Variants in WNK2 observed in about 807,000 individuals in gnomAD.
The protein encoded by WNK2 is WNK lysine deficient protein kinase 2.
Under a neutral mutation model 192.1 loss-of-function variants are expected in WNK2, and 67 were observed. The observed-to-expected ratio is 0.35, with a 90% CI of 0.29 to 0.43. WNK2 has a LOEUF of 0.43. WNK2 is among the 20% of genes least tolerant of loss of function. WNK2 has a pLI of 1.00. For missense variants in WNK2, 2,698 were observed against 3,089.7 expected (o/e 0.87, Z 3.01); for synonymous variants, 1,439 against 1,393.9 (o/e 1.03, Z -0.72).
chr9:93,188,235 C>T (rs960822523), intron 2 of WNK2, among the ~76,000 whole-genome samples: 1 of 152,192 alleles, frequency 6.6e-6, no homozygotes, highest in Non-Finnish European at 1.5e-5. Context: ...CTGCCCTCCA[C>T]AGGCTGGGGG....
Position 93,229,924 on chromosome 9 carries a change from A to G in WNK2, c.854+56A>G, listed in dbSNP as rs1838450685. ...GTCCTGGCATGGGTGCAGGGCTACC[A>G]TAGCTGAGGGTGAGGTCTTGGGCTG... On this transcript the variant is annotated intron_variant, in intron 3 of 29. Transcript: ENST00000427277. This position sits in a 1 kb window ranked among gnomAD's most constrained non-coding sequence, Gnocchi z 4.9. 1.3e-6 allele frequency: 2 copies of G among 1,580,828 alleles called. No individual in the cohort carries two copies. The highest frequency in any genetic ancestry group is 1.7e-5 in the Admixed American group (1 of 57,640).
chr9:93,195,206 TTTAG>T (rs1232957325), intron 2 of WNK2, among the ~76,000 whole-genome samples: 2 of 152,144 alleles, frequency 1.3e-5, no homozygotes, highest in Non-Finnish European at 2.9e-5. Flanking sequence ...AATGTTGGAT[TTTAG>T]TTAATCATCA....
intron 26 of WNK2, among the ~76,000 whole-genome samples, chr9:93,306,340 G>A (rs1036730012): frequency 1.3e-5 from 2 of 152,222 alleles, no homozygotes; most frequent in African/African-American, 4.8e-5. Context: ...GGCTTCGGCG[G>A]CCAAGCCCAG....
chr9:93,308,246 G>T (rs925348707), intron 27 of WNK2, 82 bp from the exon 28 acceptor site: 2 of 1,490,778 alleles, frequency 1.3e-6, no homozygotes, highest in South Asian at 1.4e-5. Flanking sequence ...CAGCTGTCAC[G>T]TAAGAATGAA....
chr9:93,211,267 C>T (rs62646615), intron 2 of WNK2, among the ~76,000 whole-genome samples: 7 of 93,616 alleles, frequency 7.5e-5, no homozygotes, highest in Middle Eastern at 5.4e-3. Flanking sequence ...TTCACTCATT[C>T]ACTCACTCAT....
At chr9:93,291,537 A>C (rs1181047636) in intron 21 of WNK2, among the ~76,000 whole-genome samples, 1 of 152,028 alleles carries the variant, frequency 6.6e-6, no homozygotes, top group East Asian at 1.9e-4. Flanking sequence ...CGGCTTGGGG[A>C]CACGTGACAG....
At chr9:93,244,720 G>A (rs1298527259) in intron 7 of WNK2, among the ~76,000 whole-genome samples, 1 of 152,180 alleles carries the variant, frequency 6.6e-6, no homozygotes, top group African/African-American at 2.4e-5. Context: ...GCAGAGGCCC[G>A]GGCCAAGCAG....
chr9:93,261,154 A>G (rs1025559057), intron 12 of WNK2, among the ~76,000 whole-genome samples: 4 of 152,166 alleles, frequency 2.6e-5, no homozygotes, highest in African/African-American at 9.7e-5. Context: ...CTGGCTGCCA[A>G]CAGAGGGTCT....
chr9:93,235,371 A>G (rs182748652), intron 5 of WNK2, among the ~76,000 whole-genome samples: 28 of 152,184 alleles, frequency 1.8e-4, no homozygotes, highest in South Asian at 1.2e-3. Flanking sequence ...CTGCTTTCCT[A>G]TCTTCTTCAT....
chr9:93,243,513 C>T (rs763028951), intron 7 of WNK2, among the ~76,000 whole-genome samples: 4 of 152,160 alleles, frequency 2.6e-5, no homozygotes, highest in East Asian at 1.9e-4. Context: ...ACACATCACC[C>T]GTGAAATAGA....
At chr9:93,211,220 A>C (rs1447194545) in intron 2 of WNK2, among the ~76,000 whole-genome samples, 28 of 127,510 alleles carry the variant, frequency 2.2e-4, no homozygotes, top group African/African-American at 2.7e-4. Context: ...TCAATCACTC[A>C]TCCACTCACT....
In WNK2 at chr9:93,259,454, C is replaced by A. The variant is rs576465472; in HGVS notation, c.2906C>A (p.Pro969His). 7.3e-6 allele frequency: 10 copies of A among 1,374,754 alleles called. No individual in the cohort carries two copies. The South Asian group carries it at 7.7e-5, about 11-fold the overall frequency. 85.2% of individuals were successfully genotyped at this position (1,374,754 alleles called of 1,614,324 possible). The change falls in exon 12 of 30, where the codon CCC becomes CAC. Residue 969 changes from proline to histidine, a missense_variant. Coordinates refer to ENST00000427277, the MANE Select transcript of WNK2 (RefSeq NM_006648.4). This position sits in a 1 kb window ranked among gnomAD's most constrained non-coding sequence, Gnocchi z 4.8. ...QPTLPPQPVL[P>H]PQPTRPPQPV... ...ACGCTGCCCCCTCAACCTGTGTTGC[C>A]CCCGCAACCCACACGGCCCCCTCAA...
Position 93,268,049 on chromosome 9 carries a change from C to G in WNK2, c.3897C>G (p.Pro1299=). ...GCCGACAATCCCAAGCCAACGCCCC[C>G]GTGTATCAGCAGAACGGTGAGTCTG... is the stretch of plus-strand genomic sequence containing the variant. ...EESRQSQANA[P]VYQQNVLHTG... is the part of the protein sequence containing the mutation. The change falls in exon 18 of 30, where the codon CCC becomes CCG. Residue 1299 remains proline, a synonymous_variant. Transcript: ENST00000427277. 1 of 1,611,784 alleles carries G rather than the reference C, an allele frequency of 6.2e-7. No homozygotes were observed. Among genetic ancestry groups the G allele is most frequent in the Non-Finnish European group, 8.5e-7 (1 of 1,179,046 alleles).
At chr9:93,314,770 ACTGTAGGGTAGATGC>A (rs1408305171) in intron 28 of WNK2, among the ~76,000 whole-genome samples, 1 of 152,158 alleles carries the variant, frequency 6.6e-6, no homozygotes, top group African/African-American at 2.4e-5. Flanking sequence ...CCAAATCAGG[ACTGTAGGGTAGATGC>A]CTGATGATTT....
At chr9:93,313,730 G>A (rs1382290930) in intron 28 of WNK2, among the ~76,000 whole-genome samples, 1 of 152,090 alleles carries the variant, frequency 6.6e-6, no homozygotes, top group Non-Finnish European at 1.5e-5. Flanking sequence ...AAGTTGATTT[G>A]TTTAACTTTT....
intron 16 of WNK2, among the ~76,000 whole-genome samples, chr9:93,264,680 G>T (rs1193384274): frequency 6.6e-6 from 1 of 152,192 alleles, no homozygotes; most frequent in Non-Finnish European, 1.5e-5. Context: ...CAAATTTCCT[G>T]GTGCATCCGT....
intron 2 of WNK2, among the ~76,000 whole-genome samples, chr9:93,220,891 G>T (rs1219977549): frequency 6.6e-6 from 1 of 152,144 alleles, no homozygotes; most frequent in Admixed American, 6.5e-5. Context: ...GACCCAGCCT[G>T]GGTCCCCCTT....
At chr9:93,252,645 G>A (rs373450003) in intron 8 of WNK2, among the ~76,000 whole-genome samples, 2 of 152,210 alleles carry the variant, frequency 1.3e-5, no homozygotes, top group African/African-American at 4.8e-5. Context: ...GGATTGGCAC[G>A]ATGTACCCGC....
chr9:93,272,952 A>G (rs1846230938), intron 19 of WNK2, among the ~76,000 whole-genome samples: 1 of 152,128 alleles, frequency 6.6e-6, no homozygotes, highest in Non-Finnish European at 1.5e-5. Flanking sequence ...AAACCAAACA[A>G]CTTGAGCTAA....
Sources: gnomAD v4.1 joint callset for allele counts (sites outside exome capture counted in the v4.1 genomes callset) on GRCh38, gnomAD v4.1.1 for gene constraint, Gnocchi (gnomAD v3.1) non-coding constraint, MANE v1.5 for transcripts, NCBI Gene and HGNC (gene_info 2026-07-23, HGNC 2026-07-21) for gene names.